WDR59: variants seen among roughly 807,000 people sequenced by gnomAD.
The protein encoded by WDR59 is WD repeat domain 59, also known as GATOR2 complex protein WDR59.
In WDR59, 100 loss-of-function variants were observed where a neutral mutation model predicts 131.2. The ratio of observed to expected loss-of-function variants is 0.76; its 90% CI spans 0.65 to 0.90. The LOEUF is 0.90. WDR59 is among the 40% of genes least tolerant of loss of function. The pLI, the probability that WDR59 is intolerant of heterozygous loss-of-function variation, is 0.00. For synonymous variants in WDR59, 601 were observed against 466.2 expected (o/e 1.29, Z -3.72); for missense variants, 1,203 against 1,262.2 (o/e 0.95, Z 0.71).
At chr16:74,956,193 A>G (rs2033280782) in intron 3 of WDR59, among the ~76,000 whole-genome samples, 1 of 152,198 alleles carries the variant, frequency 6.6e-6, no homozygotes, top group Non-Finnish European at 1.5e-5. Flanking sequence ...CTGCTGATGA[A>G]ACAGGTTCTC....
At chr16:74,898,734 A>G (rs1324803500) in intron 18 of WDR59, among the ~76,000 whole-genome samples, 2 of 152,264 alleles carry the variant, frequency 1.3e-5, no homozygotes. Flanking sequence ...CAGAAACCCC[A>G]TTAGCAATGC....
At chr16:74,965,691 A>T in intron 2 of WDR59, 82 bp downstream of exon 2, 2 of 1,517,596 alleles carry the variant, frequency 1.3e-6, no homozygotes. Context: ...TAAATATAAG[A>T]ATAGCTTCCA....
intron 2 of WDR59, among the ~76,000 whole-genome samples, chr16:74,957,071 CT>C (rs909344421): frequency 2.1e-5 from 3 of 140,148 alleles, no homozygotes; most frequent in South Asian, 2.4e-4. Context: ...TCTTGAATAT[CT>C]TTTTTTTTCT....
rs749709365 is a variant in WDR59 at position 74,915,968 on chromosome 16, G to C, written c.1126C>G (p.Leu376Val). ...EALKEDPPRN[L>V]LEERKSDQLG... ...TGATCTGATTTCCTCTCTTCCAGGA[G>C]ATTTCTAGGGGGATCTTCTTTTAGG... Residue 376 changes from leucine to valine, a missense_variant, in exon 13 of 26, where the codon CTC becomes GTC. Transcript: ENST00000262144. 1 of 1,614,176 alleles carries C rather than the reference G, an allele frequency of 6.2e-7. No individual in the cohort carries two copies. The highest frequency in any genetic ancestry group is 1.7e-5 in the Admixed American group (1 of 60,024).
intron 18 of WDR59, among the ~76,000 whole-genome samples, chr16:74,898,598 G>A (rs571200636): frequency 6.6e-6 from 1 of 152,358 alleles, no homozygotes; most frequent in South Asian, 2.1e-4. Flanking sequence ...AAATAGCACT[G>A]AATGACAACC....
At chr16:74,926,003 T>TAA (rs34876405) in intron 8 of WDR59, among the ~76,000 whole-genome samples, 27 of 135,908 alleles carry the variant, frequency 2.0e-4, no homozygotes, top group African/African-American at 4.4e-4. Flanking sequence ...ATGTTTTTAA[T>TAA]AAAAAAAAAA....
chr16:74,897,392 T>C lies in WDR59; in HGVS notation c.1867-3580A>G, dbSNP rs551752762. Among the ~76,000 whole-genome samples, 199 of 152,338 alleles carry C rather than the reference T, an allele frequency of 1.3e-3. 7 individuals carry two copies. In the South Asian group the frequency reaches 0.04, roughly 31 times the overall value. Reference sequence around the variant, plus strand: ...GAGTCTAAAGAGATGTCTTAGGGACTCTTCCCCCATTTGCAGCTTTGGGTT... The same window carrying C: ...GAGTCTAAAGAGATGTCTTAGGGACCCTTCCCCCATTTGCAGCTTTGGGTT... On this transcript the variant is annotated intron_variant, in intron 18 of 25. Transcript: ENST00000262144.
At chr16:74,982,227 T>C (rs1248995929) in intron 1 of WDR59, among the ~76,000 whole-genome samples, 5 of 151,978 alleles carry the variant, frequency 3.3e-5, no homozygotes, top group South Asian at 2.1e-4. Context: ...TGAAGAGTTT[T>C]AACTTTGTCT....
intron 3 of WDR59, among the ~76,000 whole-genome samples, chr16:74,952,445 CA>C (rs61448932): frequency 0.13 from 7,954 of 62,944 alleles, 216 homozygotes; most frequent in African/African-American, 0.24. Flanking sequence ...CCATCTCAAA[CA>C]AAAAAAAAAA....
chr16:74,979,974 G>A (rs1274050116), intron 1 of WDR59, among the ~76,000 whole-genome samples: 3 of 150,108 alleles, frequency 2.0e-5, no homozygotes, highest in East Asian at 2.0e-4. Flanking sequence ...TCAGCCTCCC[G>A]AGTAGCTGGG....
At chr16:74,950,036 T>A in intron 4 of WDR59, 1 of 542,446 alleles carries the variant, frequency 1.8e-6, no homozygotes. Flanking sequence ...ATGGAGTGCT[T>A]CAACTTAAAA....
chr16:74,949,904 A>G, intron 4 of WDR59, 106 bp from the exon 5 acceptor site: 1 of 987,052 alleles, frequency 1.0e-6, no homozygotes, highest in Non-Finnish European at 1.6e-6. Context: ...TGTCATCATT[A>G]ACGGGCTTCT....
chr16:74,977,066 C>G (rs2145241261), intron 1 of WDR59, among the ~76,000 whole-genome samples: 1 of 152,114 alleles, frequency 6.6e-6, no homozygotes, highest in South Asian at 2.1e-4. Flanking sequence ...AATTAAAGTT[C>G]TGTTCATCAA....
In WDR59 at chr16:74,959,558, T is replaced by A. The variant is rs143867478; in HGVS notation, c.105-2948A>T. On this transcript the variant is annotated intron_variant, in intron 2 of 25. Transcript: ENST00000262144. ...CAGAAGCATCGCTTGAGGCCCGGAGTTAAGACCAGCCTGGGCAACCTGGCA... is the reference window on the plus strand; with the variant it reads ...CAGAAGCATCGCTTGAGGCCCGGAGATAAGACCAGCCTGGGCAACCTGGCA... The A allele has an allele frequency of 2.1e-3, 966 of 452,518 alleles. 1 individual carries two copies. Among genetic ancestry groups the A allele is most frequent in the Non-Finnish European group, 3.4e-3 (766 of 225,298 alleles). The allele number at this position is 452,518 out of a possible 1,614,324, so 28.0% of individuals were successfully genotyped here. A position where few individuals can be genotyped will look rare whatever the true frequency, so the allele number is the denominator to read the frequency against.
At chr16:74,948,642 G>A (rs1250085393) in intron 5 of WDR59, 86 bp from the exon 6 acceptor site, 4 of 1,166,112 alleles carry the variant, frequency 3.4e-6, no homozygotes, top group African/African-American at 3.0e-5. Flanking sequence ...ACAATTCTTC[G>A]CTTTCCTTTC....
At position 74,871,651 on chromosome 16, in the gene WDR59, T is replaced by C. The variant is rs1448863984; in HGVS notation, c.*2558A>G. 2 of 152,236 alleles carry C rather than the reference T, an allele frequency of 1.3e-5. No individual in the cohort carries two copies. The highest frequency in any genetic ancestry group is 4.8e-5 in the African/African-American group (2 of 41,462). 9.4% of individuals were successfully genotyped at this position (152,236 alleles called of 1,614,324 possible). On this transcript the variant is annotated 3_prime_UTR_variant, in exon 26 of 26. Transcript: ENST00000262144. The stretch of plus-strand genomic sequence containing the variant: ...ATGGGGACAGATAGGGACAGGTTTT[T>C]ACACTAACTTGAGCAGTGGGGAACA...
intron 24 of WDR59, 179 bp downstream of exon 24, chr16:74,886,091 T>C: frequency 1.3e-6 from 1 of 794,620 alleles, no homozygotes; most frequent in Non-Finnish European, 1.9e-6. Flanking sequence ...GGCAGGAGAA[T>C]CACTTGAGCC....
intron 25 of WDR59, among the ~76,000 whole-genome samples, chr16:74,875,424 G>A (rs1286164362): frequency 6.6e-6 from 1 of 152,194 alleles, no homozygotes; most frequent in African/African-American, 2.4e-5. Context: ...ATGTCATCCA[G>A]CTTCACCAGC....
rs781524824 is a variant in WDR59 at position 74,887,720 on chromosome 16, C to T, written c.2382G>A (p.Met794Ile). ...CGCCAGTGTTGAGCCCTGGGTCTGA[C>T]ATACTGGAGCAGGAACCAGAAGAGG... ...SFTSSGSCSS[M>I]SDPGLNTGGW... The change falls in exon 23 of 26, where the codon ATG (methionine) becomes ATA (isoleucine). Residue 794 changes from methionine to isoleucine, a missense_variant. By Grantham distance (10) the Met-to-Ile change is conservative. Coordinates refer to ENST00000262144, the MANE Select transcript of WDR59 (RefSeq NM_030581.4). The T allele has an allele frequency of 2.7e-5, 43 of 1,613,994 alleles. 1 individual carries two copies. The South Asian group carries it at 4.2e-4, about 16-fold the overall frequency.
Sources: allele counts gnomAD v4.1 joint callset (sites outside exome capture counted in the v4.1 genomes callset), GRCh38; gene constraint gnomAD v4.1.1; transcripts MANE v1.5; gene names NCBI Gene and HGNC (gene_info 2026-07-23, HGNC 2026-07-21).